The following SESTD1 variants were observed in gnomAD, a reference collection of about 807,000 sequenced individuals.
SESTD1 encodes the protein SEC14 domain and spectrin repeat-containing protein 1.
In SESTD1, 43 loss-of-function variants were observed where a neutral mutation model predicts 101.7. The observed-to-expected ratio is 0.42, with a 90% CI of 0.33 to 0.55. The LOEUF (loss-of-function observed/expected upper bound fraction) is 0.55, where lower values mean the gene tolerates loss of function less well. Ranked by LOEUF, SESTD1 falls within the 20% of genes least tolerant of loss-of-function variation. SESTD1 has a pLI of 0.07. For missense variants in SESTD1, 647 were observed against 815.1 expected (o/e 0.79, Z 2.51); for synonymous variants, 283 against 286.8 (o/e 0.99, Z 0.13).
chr2:179,170,225 C>T (rs1311814505), intron 5 of SESTD1, among the ~76,000 whole-genome samples: 1 of 142,300 alleles, frequency 7.0e-6, no homozygotes, highest in Non-Finnish European at 1.5e-5. Context: ...AAAAAAAAAA[C>T]TGAAAAAGAG....
chr2:179,119,352 A>T (rs1480663821), intron 13 of SESTD1, among the ~76,000 whole-genome samples: 2 of 152,204 alleles, frequency 1.3e-5, no homozygotes, highest in Non-Finnish European at 2.9e-5. Flanking sequence ...TTGGTAGCTG[A>T]TGGTAACTTT....
chr2:179,190,758 A>C (rs184097484), intron 2 of SESTD1, among the ~76,000 whole-genome samples: 12 of 152,302 alleles, frequency 7.9e-5, no homozygotes, highest in African/African-American at 2.9e-4. Flanking sequence ...AAGAAGACAC[A>C]CAAGTGGCCA....
intron 14 of SESTD1, among the ~76,000 whole-genome samples, chr2:179,117,036 A>G (rs541113516): frequency 1.7e-3 from 257 of 152,356 alleles, no homozygotes; most frequent in South Asian, 0.016. Flanking sequence ...TTAATATCAC[A>G]TAATAAAAGA....
At position 179,151,458 on chromosome 2, in the gene SESTD1, G is replaced by A. The variant is rs1194962318; in HGVS notation, c.370-67C>T. On this transcript the variant is annotated intron_variant, in intron 5 of 17. Coordinates refer to ENST00000428443, the MANE Select transcript of SESTD1 (RefSeq NM_178123.5). ...TATTAAAATCCACGAAAGTAACCAG[G>A]AGGTAAAATTAGGTTAAAATATGCA... 1.5e-5 allele frequency: 17 copies of A among 1,099,384 alleles called. No homozygotes were observed. In the Admixed American group the frequency reaches 2.1e-4, roughly 14 times the overall value. The allele number at this position is 1,099,384 out of a possible 1,614,324, so 68.1% of individuals were successfully genotyped here. A position where few individuals can be genotyped will look rare whatever the true frequency, so the allele number is the denominator to read the frequency against.
At chr2:179,158,036 G>GA (rs1192720386) in intron 5 of SESTD1, among the ~76,000 whole-genome samples, 2 of 151,950 alleles carry the variant, frequency 1.3e-5, no homozygotes, top group Non-Finnish European at 2.9e-5. Flanking sequence ...TTTTACTAGG[G>GA]AAAAAACACC....
chr2:179,260,474 C>G (rs2105563132), intron 1 of SESTD1, among the ~76,000 whole-genome samples: 1 of 152,244 alleles, frequency 6.6e-6, no homozygotes, highest in South Asian at 2.1e-4. Flanking sequence ...TGTGATCACA[C>G]CACTGCACTT....
chr2:179,189,302 TAAAC>T (rs2046284702), intron 2 of SESTD1, among the ~76,000 whole-genome samples: 1 of 152,132 alleles, frequency 6.6e-6, no homozygotes, highest in Non-Finnish European at 1.5e-5. Flanking sequence ...AGTCACCACA[TAAAC>T]AGAATTAAAA....
At chr2:179,255,006 G>C (rs903190952) in intron 1 of SESTD1, among the ~76,000 whole-genome samples, 1 of 152,104 alleles carries the variant, frequency 6.6e-6, no homozygotes, top group African/African-American at 2.4e-5. Flanking sequence ...TGTTACTACT[G>C]TAATTGTTTG....
At chr2:179,121,680 C>T (rs891102788) in intron 13 of SESTD1, 90 bp downstream of exon 13, 34 of 1,133,182 alleles carry the variant, frequency 3.0e-5, no homozygotes, top group Non-Finnish European at 3.5e-5. Flanking sequence ...CAGTTAAGAA[C>T]GTTTTGTCTG....
intron 1 of SESTD1, among the ~76,000 whole-genome samples, chr2:179,256,359 G>A (rs369156155): frequency 2.6e-5 from 4 of 152,302 alleles, no homozygotes; most frequent in African/African-American, 9.6e-5. Flanking sequence ...ACATGAATAG[G>A]AGTTTGGAAG....
At chr2:179,230,551 G>C (rs754481056) in intron 1 of SESTD1, among the ~76,000 whole-genome samples, 2 of 151,904 alleles carry the variant, frequency 1.3e-5, no homozygotes, top group Non-Finnish European at 2.9e-5. Context: ...AAAAGGTGAG[G>C]ACTAAATTCC....
rs895120554 is a variant in SESTD1 at position 179,216,273 on chromosome 2, A to G, written c.-25-24407T>C. Among the ~76,000 whole-genome samples the G allele has an allele frequency of 1.3e-4, 17 of 135,666 alleles. 3 individuals are homozygous for G. The highest frequency in any genetic ancestry group is 2.2e-4 in the Non-Finnish European group (14 of 62,946). The allele number at this position is 135,666 out of a possible 152,430, so 89.0% of individuals were successfully genotyped here. A position where few individuals can be genotyped will look rare whatever the true frequency, so the allele number is the denominator to read the frequency against. On this transcript the variant is annotated intron_variant, in intron 1 of 17. Transcript: ENST00000428443. Reference sequence around the variant, plus strand: ...AGCCCAAAATCTCCTTAAGCTGATAAGCAACTTCAGCAAAGTCTCAGGATA... The same window carrying G: ...AGCCCAAAATCTCCTTAAGCTGATAGGCAACTTCAGCAAAGTCTCAGGATA...
chr2:179,163,280 C>A (rs1159411393), intron 5 of SESTD1, among the ~76,000 whole-genome samples: 1 of 152,076 alleles, frequency 6.6e-6, no homozygotes, highest in East Asian at 1.9e-4. Context: ...ATGATTTCAC[C>A]TTTAGGAAAA....
At chr2:179,112,539 CAA>C (rs2044532575) in intron 17 of SESTD1, among the ~76,000 whole-genome samples, 183 bp downstream of exon 17, 1 of 152,156 alleles carries the variant, frequency 6.6e-6, no homozygotes, top group South Asian at 2.1e-4. Flanking sequence ...CTGTTGTTGG[CAA>C]GTACCATTAC....
In SESTD1 at chr2:179,262,072, T is replaced by C. The variant is rs920422606; in HGVS notation, c.-26+2427A>G. ...TGAAATATTGATACATGGTATAATA[T>C]GAATAAACCCTGAAAGCATTATGTT... On this transcript the variant is annotated intron_variant, in intron 1 of 17. Coordinates refer to ENST00000428443, the MANE Select transcript of SESTD1 (RefSeq NM_178123.5). 7.9e-5 allele frequency among the ~76,000 whole-genome samples: 12 copies of C among 152,294 alleles called. No homozygotes were observed. The East Asian group carries it at 2.3e-3, about 29-fold the overall frequency.
intron 10 of SESTD1, among the ~76,000 whole-genome samples, chr2:179,128,775 G>C (rs1364333297): frequency 1.3e-5 from 2 of 148,296 alleles, no homozygotes; most frequent in Non-Finnish European, 3.0e-5. Context: ...GTAGAATGTA[G>C]ACTGCCTAGA....
In SESTD1 at chr2:179,109,948, A is replaced by G; in HGVS notation, c.2042T>C (p.Leu681Pro). ...AGGATGTCTCAGCTGCTGCCTTTTG[A>G]GATTAACTAGTTTCATCCTGTCTCT... ...NIRDRMKLVN[L>P]KRQQLRHPEM... is the part of the protein sequence containing the mutation. The change falls in exon 18 of 18, where the codon CTC (leucine) becomes CCC (proline). Residue 681 changes from leucine to proline, a missense_variant. Physicochemically the swap from Leu to Pro is moderately conservative, Grantham distance 98. Coordinates refer to ENST00000428443, the MANE Select transcript of SESTD1 (RefSeq NM_178123.5). The G allele has an allele frequency of 6.2e-7, 1 of 1,613,788 alleles. No individual in the cohort carries two copies. The highest frequency in any genetic ancestry group is 8.5e-7 in the Non-Finnish European group (1 of 1,179,878).
intron 5 of SESTD1, among the ~76,000 whole-genome samples, chr2:179,158,850 T>C (rs1256852564): frequency 6.6e-6 from 1 of 152,190 alleles, no homozygotes; most frequent in African/African-American, 2.4e-5. Flanking sequence ...CAAAGTTAAA[T>C]AACGTATGTG....
chr2:179,242,641 T>C (rs915125475), intron 1 of SESTD1, among the ~76,000 whole-genome samples: 18 of 152,030 alleles, frequency 1.2e-4, no homozygotes, highest in African/African-American at 4.3e-4. Context: ...AACAGAAAAG[T>C]GAACCCCAAA....
Sources: allele counts gnomAD v4.1 joint callset (sites outside exome capture counted in the v4.1 genomes callset), GRCh38; gene constraint gnomAD v4.1.1; transcripts MANE v1.5; gene names NCBI Gene and HGNC (gene_info 2026-07-23, HGNC 2026-07-21).